MAP3K3: variants seen among roughly 807,000 people sequenced by gnomAD.
MAP3K3 encodes the protein MAP/ERK kinase kinase 3.
MAP3K3 carries 12 observed loss-of-function variants against 80.9 expected under a neutral mutation model. That is an observed-to-expected ratio of 0.15 (90% CI 0.10 to 0.24). The LOEUF is 0.24. Among genes scored for constraint, MAP3K3 ranks in the 10% least tolerant of loss-of-function variants. The pLI, the probability that MAP3K3 is intolerant of heterozygous loss-of-function variation, is 1.00. For synonymous variants in MAP3K3, 272 were observed against 307.1 expected, an observed-to-expected ratio of 0.89 and a Z score of 1.19; for missense variants, 596 against 834.7, an observed-to-expected ratio of 0.71 and a Z score of 3.52.
intron 10 of MAP3K3, 24 bp downstream of exon 10, chr17:63,688,905 C>G: frequency 6.4e-7 from 1 of 1,571,914 alleles, no homozygotes; most frequent in Non-Finnish European, 8.8e-7. Flanking sequence ...CACCTGCTCC[C>G]TGCTGGCTGC....
At position 63,681,908 on chromosome 17, in the gene MAP3K3, AG is replaced by A; in HGVS notation, c.636+15del. On this transcript the variant is annotated intron_variant, in intron 7 of 15. Coordinates refer to ENST00000361733, the MANE Select transcript of MAP3K3 (RefSeq NM_002401.5). The stretch of plus-strand genomic sequence containing the variant: ...AGACCAGCGAGCAGTGCGTGAGTAT[AG>A]GGGGGCTGGGATATGCCTGTGGCCT... 3 of 1,402,822 alleles carry A rather than the reference AG, an allele frequency of 2.1e-6. No individual in the cohort carries two copies. The highest frequency in any genetic ancestry group is 2.8e-6 in the Non-Finnish European group (3 of 1,064,502). The allele number at this position is 1,402,822 out of a possible 1,614,324, so 86.9% of individuals were successfully genotyped here.
chr17:63,651,950 C>T (rs1047073260), intron 3 of MAP3K3, among the ~76,000 whole-genome samples: 1 of 152,144 alleles, frequency 6.6e-6, no homozygotes, highest in Non-Finnish European at 1.5e-5. Flanking sequence ...AGTTGAGTCC[C>T]TTAGGAGTTG....
intron 2 of MAP3K3, among the ~76,000 whole-genome samples, chr17:63,639,043 G>T (rs564791421): frequency 6.6e-6 from 1 of 152,024 alleles, no homozygotes; most frequent in Non-Finnish European, 1.5e-5. Flanking sequence ...AAAAAGAAAG[G>T]TATGTCATAT....
rs1034937198 is a variant in MAP3K3, at chr17:63,693,306, T to C, written c.1653-243T>C. ...CTATGGGTAGCTAATACAGTTATTG[T>C]AGAGTTCTTTCTGTCAAGTCTAAGT... On this transcript the variant is annotated intron_variant, in intron 15 of 15. Coordinates refer to ENST00000361733, the MANE Select transcript of MAP3K3 (RefSeq NM_002401.5). This position sits in a 1 kb window ranked among gnomAD's most constrained non-coding sequence, Gnocchi z 4.2. 6.6e-6 allele frequency among the ~76,000 whole-genome samples: 1 copy of C among 152,220 alleles called. No individual in the cohort carries two copies. The highest frequency in any genetic ancestry group is 1.5e-5 in the Non-Finnish European group (1 of 68,034).
In MAP3K3 at chr17:63,692,530, C is replaced by T; in HGVS notation, c.1652+111C>T. Reference sequence around the variant, plus strand: ...GTGGCAGGAGGGAGTGTGCCCAGGGCCCAGGCTGCAGTGTGTGCAAGGGTA... The same window carrying T: ...GTGGCAGGAGGGAGTGTGCCCAGGGTCCAGGCTGCAGTGTGTGCAAGGGTA... On this transcript the variant is annotated intron_variant, in intron 15 of 15. Coordinates refer to ENST00000361733, the MANE Select transcript of MAP3K3 (RefSeq NM_002401.5). The surrounding 1 kb of genome is among the most constrained non-coding windows in gnomAD (Gnocchi z 4.5). 8.6e-7 allele frequency: 1 copy of T among 1,162,942 alleles called. No homozygotes were observed. The highest frequency in any genetic ancestry group is 2.8e-5 in the Admixed American group (1 of 35,942). The allele number at this position is 1,162,942 out of a possible 1,614,324, so 72.0% of individuals were successfully genotyped here. A position where few individuals can be genotyped will look rare whatever the true frequency, so the allele number is the denominator to read the frequency against.
intron 4 of MAP3K3, among the ~76,000 whole-genome samples, chr17:63,656,442 A>T (rs2034770593): frequency 2.2e-5 from 3 of 139,272 alleles, no homozygotes; most frequent in Non-Finnish European, 3.3e-5. Context: ...GTCTCTACTA[A>T]AAAAAAAAAA....
intron 3 of MAP3K3, among the ~76,000 whole-genome samples, chr17:63,648,365 C>G (rs951320432): frequency 6.6e-6 from 1 of 152,190 alleles, no homozygotes; most frequent in Non-Finnish European, 1.5e-5. Flanking sequence ...CCCTTTTGCA[C>G]TGTTGCTGAG....
intron 6 of MAP3K3, among the ~76,000 whole-genome samples, chr17:63,677,476 C>CT (rs34670629): frequency 1.3e-5 from 2 of 152,120 alleles, no homozygotes; most frequent in Admixed American, 6.6e-5. Context: ...GAAAACCATC[C>CT]TTTTTTTACA....
intron 6 of MAP3K3, among the ~76,000 whole-genome samples, chr17:63,674,289 T>C (rs1446415601): frequency 1.3e-5 from 2 of 151,690 alleles, no homozygotes; most frequent in Admixed American, 1.3e-4. Flanking sequence ...GACCTGCCAG[T>C]TGCAGTGGTG....
intron 1 of MAP3K3, among the ~76,000 whole-genome samples, chr17:63,631,349 A>G (rs548109228): frequency 7.2e-5 from 11 of 152,270 alleles, no homozygotes; most frequent in African/African-American, 2.4e-4. Flanking sequence ...TTTACTTCCT[A>G]CATTTCATGC....
chr17:63,672,400 A>C (rs1460614918), intron 6 of MAP3K3, among the ~76,000 whole-genome samples: 2 of 152,064 alleles, frequency 1.3e-5, no homozygotes, highest in Non-Finnish European at 2.9e-5. Flanking sequence ...CTAAGACAGG[A>C]ATACTGGAAG....
chr17:63,662,193 C>T (rs572923078), intron 5 of MAP3K3, among the ~76,000 whole-genome samples: 1 of 150,506 alleles, frequency 6.6e-6, no homozygotes, highest in South Asian at 2.1e-4. Context: ...ATTACTTGAG[C>T]CTAGGAGTTT....
intron 1 of MAP3K3, 94 bp from the exon 2 acceptor site, chr17:63,632,587 G>T (rs2034239117): frequency 7.0e-7 from 1 of 1,438,742 alleles, no homozygotes. Context: ...TTTTACCTGG[G>T]CAGAACTCCC....
Position 63,695,089 on chromosome 17 carries a change from GA to G in MAP3K3, c.*1330del, listed in dbSNP as rs34163987. ...GTTTCCTTGGGAGTTGTCATTAAAG[GA>G]AAAAAAAAAAAAAAAAAGCCAGTGC... is the stretch of plus-strand genomic sequence containing the variant. On this transcript the variant is annotated 3_prime_UTR_variant, in exon 16 of 16. Coordinates refer to ENST00000361733, the MANE Select transcript of MAP3K3 (RefSeq NM_002401.5). The surrounding 1 kb of genome is among the most constrained non-coding windows in gnomAD (Gnocchi z 4.1). 0.31 allele frequency: 37,552 copies of G among 120,226 alleles called. 5,047 individuals carry two copies. Among genetic ancestry groups the G allele is most frequent in the Middle Eastern group, 0.39 (93 of 236 alleles). 7.4% of individuals were successfully genotyped at this position (120,226 alleles called of 1,614,324 possible). A position where few individuals can be genotyped will look rare whatever the true frequency, so the allele number is the denominator to read the frequency against.
chr17:63,622,527 C>G lies in MAP3K3; in HGVS notation c.-233C>G, dbSNP rs2034006289. ...CGGCGCCGCCGAGGCCGGGCTGGGC[C>G]GAGCCCAGGAGCGCCCGGGATGTAG... On this transcript the variant is annotated 5_prime_UTR_variant, in exon 1 of 16. Coordinates refer to ENST00000361733, the MANE Select transcript of MAP3K3 (RefSeq NM_002401.5). 1 of 152,784 alleles carries G rather than the reference C, an allele frequency of 6.5e-6. No homozygotes were observed. 9.5% of individuals were successfully genotyped at this position (152,784 alleles called of 1,614,324 possible). A position where few individuals can be genotyped will look rare whatever the true frequency, so the allele number is the denominator to read the frequency against.
chr17:63,691,099 T>C lies in MAP3K3; in HGVS notation c.1213-3T>C. 6.2e-7 allele frequency: 1 copy of C among 1,613,686 alleles called. No individual in the cohort carries two copies. Among genetic ancestry groups the C allele is most frequent in the Non-Finnish European group, 8.5e-7 (1 of 1,179,874 alleles). Reference sequence around the variant, plus strand: ...CTGAGGCGACCACTGACCCCTCCCCTAGGAGGTGAGTGCTCTGGAGTGCGA... The same window carrying C: ...CTGAGGCGACCACTGACCCCTCCCCCAGGAGGTGAGTGCTCTGGAGTGCGA... On this transcript the variant is annotated splice_polypyrimidine_tract_variant and splice_region_variant and intron_variant, in intron 12 of 15. Transcript: ENST00000361733. The surrounding 1 kb of genome is among the most constrained non-coding windows in gnomAD (Gnocchi z 4.8).
At position 63,695,838 on chromosome 17, in the gene MAP3K3, A is replaced by G. The variant is rs1248055767; in HGVS notation, c.*2061A>G. 6.6e-6 allele frequency: 1 copy of G among 152,602 alleles called. No homozygotes were observed. The highest frequency in any genetic ancestry group is 1.5e-5 in the Non-Finnish European group (1 of 68,050). The allele number at this position is 152,602 out of a possible 1,614,324, so 9.5% of individuals were successfully genotyped here. A position where few individuals can be genotyped will look rare whatever the true frequency, so the allele number is the denominator to read the frequency against. ...ACCCTGCACTCCAAAAAAGCAAAAC[A>G]GACCCTAATTTTTTTGTGCCAAAAA... On this transcript the variant is annotated 3_prime_UTR_variant, in exon 16 of 16. Coordinates refer to ENST00000361733, the MANE Select transcript of MAP3K3 (RefSeq NM_002401.5). The surrounding 1 kb of genome is among the most constrained non-coding windows in gnomAD (Gnocchi z 4.1).
intron 1 of MAP3K3, among the ~76,000 whole-genome samples, chr17:63,628,024 G>T (rs2034138696): frequency 6.6e-6 from 1 of 151,648 alleles, no homozygotes; most frequent in Non-Finnish European, 1.5e-5. Flanking sequence ...CCATGCCTCA[G>T]CCTCCACAGT....
rs1357495247 is a variant in MAP3K3 at position 63,689,244 on chromosome 17, A to G, written c.872-300A>G. ...CGGGTGTGGCTTGGCCTTGCAAGCA[A>G]TTGGGAGCCTGTTGGCCAGCCATAC... On this transcript the variant is annotated intron_variant, in intron 10 of 15. Coordinates refer to ENST00000361733, the MANE Select transcript of MAP3K3 (RefSeq NM_002401.5). This position sits in a 1 kb window ranked among gnomAD's most constrained non-coding sequence, Gnocchi z 4.3. 1 of 526,566 alleles carries G rather than the reference A, an allele frequency of 1.9e-6. No individual in the cohort carries two copies. Among genetic ancestry groups the G allele is most frequent in the African/African-American group, 1.9e-5 (1 of 52,474 alleles). 32.6% of individuals were successfully genotyped at this position (526,566 alleles called of 1,614,324 possible). A position where few individuals can be genotyped will look rare whatever the true frequency, so the allele number is the denominator to read the frequency against.
Sources: gnomAD v4.1 joint callset for allele counts (sites outside exome capture counted in the v4.1 genomes callset) on GRCh38, gnomAD v4.1.1 for gene constraint, Gnocchi (gnomAD v3.1) non-coding constraint, MANE v1.5 for transcripts, NCBI Gene and HGNC (gene_info 2026-07-23, HGNC 2026-07-21) for gene names.